Variants in WDPCP observed in about 807,000 individuals in gnomAD.
WDPCP encodes WD repeat containing planar cell polarity effector.
A neutral mutation model predicts 93.1 loss-of-function variants in WDPCP; 71 were observed. The ratio of observed to expected loss-of-function variants is 0.76; its 90% CI spans 0.63 to 0.93. The LOEUF is 0.93. WDPCP is among the 40% of genes least tolerant of loss of function. The probability of loss-of-function intolerance (pLI) is 0.00; values close to 1 mark genes in which losing one functional copy is unlikely to be tolerated. For synonymous variants in WDPCP, 315 were observed against 315.0 expected (o/e 1.00, Z 0.00); for missense variants, 844 against 887.4 (o/e 0.95, Z 0.62).
chr2:63,336,238 G>C (rs4353635), intron 12 of WDPCP, among the ~76,000 whole-genome samples: 121,895 of 152,196 alleles, frequency 0.8, 49,684 homozygotes, highest in East Asian at 0.96. Context: ...GATCAGGACC[G>C]CTTTCCTGTA....
chr2:63,597,954 A>G (rs1235797404), intron 3 of WDPCP: 1 of 153,998 alleles, frequency 6.5e-6, no homozygotes, highest in East Asian at 1.9e-4. Context: ...ATTCTCAGGA[A>G]TAGAAGATAG....
chr2:63,486,606 G>C lies in WDPCP; in HGVS notation c.209-20C>G. On this transcript the variant is annotated intron_variant, in intron 3 of 17. Coordinates refer to ENST00000272321, the MANE Select transcript of WDPCP (RefSeq NM_015910.7). Reference sequence around the variant, plus strand: ...CTGTCGCTGATATTGTGGCAGAAGGGATAGAAAGAAAAAAACAAAAGTAGA... The same window carrying C: ...CTGTCGCTGATATTGTGGCAGAAGGCATAGAAAGAAAAAAACAAAAGTAGA... The C allele has an allele frequency of 1.3e-6, 2 of 1,560,756 alleles. No individual in the cohort carries two copies. Among genetic ancestry groups the C allele is most frequent in the Non-Finnish European group, 8.7e-7 (1 of 1,149,848 alleles).
intron 1 of WDPCP, among the ~76,000 whole-genome samples, chr2:63,563,964 A>G (rs965213597): frequency 2.6e-5 from 4 of 152,222 alleles, no homozygotes; most frequent in Admixed American, 1.3e-4. Context: ...GAGTATACTA[A>G]AAACTATTAA....
intron 1 of WDPCP, among the ~76,000 whole-genome samples, chr2:63,538,055 G>A (rs564379649): frequency 1.3e-5 from 2 of 152,120 alleles, no homozygotes; most frequent in South Asian, 4.2e-4. Context: ...ACAAGGTTTT[G>A]GGGTTTTTTT....
intron 14 of WDPCP, among the ~76,000 whole-genome samples, chr2:63,190,177 C>T (rs1674933411): frequency 6.6e-6 from 1 of 152,022 alleles, no homozygotes; most frequent in Non-Finnish European, 1.5e-5. Flanking sequence ...CCCATAATCC[C>T]AGCAGTTTGG....
At chr2:63,488,766 T>C (rs1192365814) in intron 2 of WDPCP, among the ~76,000 whole-genome samples, 3 of 152,062 alleles carry the variant, frequency 2.0e-5, no homozygotes, top group East Asian at 3.9e-4. Context: ...CCTATAATTA[T>C]ACTCATCATT....
intron 13 of WDPCP, among the ~76,000 whole-genome samples, chr2:63,269,644 G>A (rs1682460058): frequency 6.6e-6 from 1 of 152,152 alleles, no homozygotes; most frequent in South Asian, 2.1e-4. Context: ...TATTGATGTT[G>A]TTATAACCTT....
rs536935516 is a variant in WDPCP, at chr2:63,247,304, A to G, written c.1915+12003T>C. Reference sequence around the variant, plus strand: ...TGTTGTGTAACAGCTGATAACAGGTATTCTGATGATGCTACTGTACTACTT... The same window carrying G: ...TGTTGTGTAACAGCTGATAACAGGTGTTCTGATGATGCTACTGTACTACTT... On this transcript the variant is annotated intron_variant, in intron 14 of 17. Transcript: ENST00000272321. Among the ~76,000 whole-genome samples the G allele has an allele frequency of 9.8e-5, 15 of 152,320 alleles. No homozygotes were observed. The South Asian group carries it at 2.9e-3, about 29-fold the overall frequency.
chr2:63,622,143 C>T, intron 3 of WDPCP: 1 of 1,539,230 alleles, frequency 6.5e-7, no homozygotes, highest in Non-Finnish European at 8.8e-7. Context: ...CTAAGCCTAG[C>T]TGTCTGGGTT....
At chr2:63,677,254 T>C (rs999762625) in intron 2 of WDPCP, among the ~76,000 whole-genome samples, 4 of 152,190 alleles carry the variant, frequency 2.6e-5, no homozygotes, top group African/African-American at 7.2e-5. Flanking sequence ...AAGTAAATCC[T>C]CTGTGAAAGA....
intron 9 of WDPCP, among the ~76,000 whole-genome samples, chr2:63,408,010 T>C (rs17552302): frequency 0.01 from 1,579 of 152,286 alleles, 14 homozygotes; most frequent in South Asian, 0.023. Flanking sequence ...GCCTCCTTGT[T>C]TGCAAAGTTT....
intron 14 of WDPCP, among the ~76,000 whole-genome samples, chr2:63,215,165 A>G (rs1677205578): frequency 6.6e-6 from 1 of 152,234 alleles, no homozygotes; most frequent in South Asian, 2.1e-4. Context: ...CGCATTGCCA[A>G]GACAATCCTA....
chr2:63,762,359 A>G (rs553105026), intron 2 of WDPCP, among the ~76,000 whole-genome samples: 6 of 152,310 alleles, frequency 3.9e-5, no homozygotes, highest in African/African-American at 1.4e-4. Context: ...TGAAAATCTA[A>G]CACGAAATAA....
At chr2:63,634,153 A>C (rs1025339020) in intron 3 of WDPCP, among the ~76,000 whole-genome samples, 2 of 152,202 alleles carry the variant, frequency 1.3e-5, no homozygotes, top group Non-Finnish European at 2.9e-5. Context: ...TATGCTACCT[A>C]CAAGAGACTC....
chr2:63,530,522 T>C (rs1274246285), intron 1 of WDPCP, among the ~76,000 whole-genome samples: 1 of 152,190 alleles, frequency 6.6e-6, no homozygotes, highest in Non-Finnish European at 1.5e-5. Flanking sequence ...GCCCACTGTA[T>C]GTACATGTGT....
In WDPCP at chr2:63,218,358, G is replaced by A. The variant is rs377210914; in HGVS notation, c.1915+40949C>T. 9.2e-5 allele frequency among the ~76,000 whole-genome samples: 14 copies of A among 152,198 alleles called. No individual in the cohort carries two copies. In the East Asian group the frequency reaches 2.3e-3, roughly 25 times the overall value. ...AGGGATATTAGCACTATTAATAAAA[G>A]TCAAACTAATATTTGTTTTCATGCC... On this transcript the variant is annotated intron_variant, in intron 14 of 17. Transcript: ENST00000272321.
chr2:63,592,637 A>C (rs769067787), upstream of WDPCP, among the ~76,000 whole-genome samples: 1 of 152,270 alleles, frequency 6.6e-6, no homozygotes, highest in Admixed American at 6.5e-5. Flanking sequence ...GGTGTGAGCC[A>C]CTGCACTCAG....
At chr2:63,527,243 T>C (rs1233058073) in intron 1 of WDPCP, among the ~76,000 whole-genome samples, 2 of 151,740 alleles carry the variant, frequency 1.3e-5, no homozygotes, top group African/African-American at 4.8e-5. Flanking sequence ...TTTTTTACTT[T>C]AAGTTCTAGG....
chr2:63,631,189 G>A (rs1222585041), intron 3 of WDPCP, among the ~76,000 whole-genome samples: 1 of 152,036 alleles, frequency 6.6e-6, no homozygotes, highest in Non-Finnish European at 1.5e-5. Context: ...GCTGAAGCAG[G>A]AGAATCACTT....
Sources: gnomAD v4.1 joint callset for allele counts (sites outside exome capture counted in the v4.1 genomes callset) on GRCh38, gnomAD v4.1.1 for gene constraint, MANE v1.5 for transcripts, NCBI Gene and HGNC (gene_info 2026-07-23, HGNC 2026-07-21) for gene names.